The following LYPLAL1 variants were observed in gnomAD, a reference collection of about 807,000 sequenced individuals.
LYPLAL1 encodes lysophospholipase like 1.
In LYPLAL1, 23 loss-of-function variants were observed where a neutral mutation model predicts 19.7. The observed-to-expected ratio is 1.17, with a 90% CI of 0.84 to 1.65. The LOEUF (loss-of-function observed/expected upper bound fraction) is 1.65. LYPLAL1 is among the 40% of genes most tolerant of loss of function. The pLI, the probability that LYPLAL1 is intolerant of heterozygous loss-of-function variation, is 0.00. For missense variants in LYPLAL1, 355 were observed against 279.4 expected (o/e 1.27, Z -1.93); for synonymous variants, 119 against 96.3 (o/e 1.24, Z -1.38).
At chr1:219,213,501 T>C (rs1659179540), downstream of LYPLAL1, among the ~76,000 whole-genome samples, 1 of 151,992 alleles carries the variant, frequency 6.6e-6, no homozygotes, top group African/African-American at 2.4e-5. Context: ...TGTACATCAA[T>C]TTGGGGAGAA....
the LYPLAL1 span, among the ~76,000 whole-genome samples, chr1:219,313,433 A>C: frequency 5.3e-4 from 81 of 152,322 alleles, 1 homozygote; most frequent in Non-Finnish European, 9.4e-4. Flanking sequence ...AGCATACCCA[A>C]ATTCCAGCAA....
chr1:219,375,456 A>C, the LYPLAL1 span, among the ~76,000 whole-genome samples: 8 of 142,342 alleles, frequency 5.6e-5, no homozygotes, highest in South Asian at 1.8e-3. Flanking sequence ...GCAGCACTGC[A>C]CTCCAGCCTG....
chr1:219,180,985 C>T (rs551085390), intron 2 of LYPLAL1, among the ~76,000 whole-genome samples: 137 of 152,118 alleles, frequency 9.0e-4, no homozygotes, highest in African/African-American at 3.2e-3. Flanking sequence ...AACAGATCAT[C>T]GAACGTTTTA....
the LYPLAL1 span, among the ~76,000 whole-genome samples, chr1:219,408,758 G>A: frequency 6.6e-6 from 1 of 152,000 alleles, no homozygotes; most frequent in African/African-American, 2.4e-5. Context: ...TATTCTAGCT[G>A]GAAGAAAAAT....
At chr1:219,320,938 T>A in the LYPLAL1 span, among the ~76,000 whole-genome samples, 3 of 152,232 alleles carry the variant, frequency 2.0e-5, no homozygotes, top group Non-Finnish European at 4.4e-5. Context: ...TGATTTACAA[T>A]CCTTTGGGTA....
the LYPLAL1 span, among the ~76,000 whole-genome samples, chr1:219,429,120 A>G: frequency 6.6e-6 from 1 of 152,152 alleles, no homozygotes; most frequent in East Asian, 1.9e-4. Context: ...ATTTTGTGTC[A>G]CCAAACTCTT....
chr1:219,426,918 C>T, the LYPLAL1 span, among the ~76,000 whole-genome samples: 1 of 152,296 alleles, frequency 6.6e-6, no homozygotes, highest in South Asian at 2.1e-4. Context: ...CTTTTATATC[C>T]TTATTTCACA....
the LYPLAL1 span, among the ~76,000 whole-genome samples, chr1:219,385,032 T>A: frequency 6.6e-6 from 1 of 152,198 alleles, no homozygotes; most frequent in Non-Finnish European, 1.5e-5. Context: ...GTGGGCTTTT[T>A]CTCCCAGTAA....
the LYPLAL1 span, among the ~76,000 whole-genome samples, chr1:219,437,818 G>A: frequency 6.6e-6 from 1 of 151,500 alleles, no homozygotes; most frequent in East Asian, 1.9e-4. Flanking sequence ...CCAAGCTAGA[G>A]TGCAGTGGTG....
the LYPLAL1 span, among the ~76,000 whole-genome samples, chr1:219,389,137 C>T: frequency 6.6e-6 from 1 of 152,108 alleles, no homozygotes; most frequent in Non-Finnish European, 1.5e-5. Flanking sequence ...TTTATTCATT[C>T]TTTTTCATTC....
At chr1:219,324,475 T>C in the LYPLAL1 span, among the ~76,000 whole-genome samples, 3 of 152,184 alleles carry the variant, frequency 2.0e-5, no homozygotes, top group Non-Finnish European at 4.4e-5. Context: ...CCCTCTCTCT[T>C]ATCCCTTCCC....
At chr1:219,423,031 AC>A in the LYPLAL1 span, among the ~76,000 whole-genome samples, 1 of 151,868 alleles carries the variant, frequency 6.6e-6, no homozygotes, top group African/African-American at 2.4e-5. Flanking sequence ...AAGCAGGAAA[AC>A]CCCTGACCAT....
At chr1:219,392,100 C>G in the LYPLAL1 span, among the ~76,000 whole-genome samples, 2 of 152,084 alleles carry the variant, frequency 1.3e-5, no homozygotes, top group Non-Finnish European at 1.5e-5. Flanking sequence ...TCTCAGACTC[C>G]CCTGTTTGGG....
chr1:219,338,595 T>G, the LYPLAL1 span, among the ~76,000 whole-genome samples: 1 of 151,810 alleles, frequency 6.6e-6, no homozygotes, highest in East Asian at 1.9e-4. Context: ...TGAGATCATG[T>G]ACCTGGCACA....
At chr1:219,186,158 T>C (rs1054164142) in intron 2 of LYPLAL1, among the ~76,000 whole-genome samples, 3 of 151,884 alleles carry the variant, frequency 2.0e-5, no homozygotes, top group Non-Finnish European at 2.9e-5. Flanking sequence ...ATTCTAGATA[T>C]TCTTATTACT....
chr1:219,254,504 C>G, the LYPLAL1 span, among the ~76,000 whole-genome samples: 1 of 152,120 alleles, frequency 6.6e-6, no homozygotes, highest in African/African-American at 2.4e-5. Flanking sequence ...ATTTGCTTAT[C>G]TGCAAAGGAT....
chr1:219,246,635 C>T, the LYPLAL1 span, among the ~76,000 whole-genome samples: 1 of 152,108 alleles, frequency 6.6e-6, no homozygotes, highest in Admixed American at 6.6e-5. Context: ...TGCCCAGGCT[C>T]AAGTGCAGTG....
At chr1:219,257,467 T>A in the LYPLAL1 span, among the ~76,000 whole-genome samples, 2 of 149,108 alleles carry the variant, frequency 1.3e-5, no homozygotes, top group Non-Finnish European at 3.0e-5. Context: ...GTCTGAGAAA[T>A]AAAGAGAAAG....
At chr1:219,244,911 CA>C in the LYPLAL1 span, among the ~76,000 whole-genome samples, 14 of 123,136 alleles carry the variant, frequency 1.1e-4, no homozygotes, top group African/African-American at 9.1e-5. Flanking sequence ...CATGCCACTG[CA>C]AAAAAAAAAA....
Sources: allele counts gnomAD v4.1 joint callset (sites outside exome capture counted in the v4.1 genomes callset), GRCh38; gene constraint gnomAD v4.1.1; transcripts MANE v1.5; gene names NCBI Gene and HGNC (gene_info 2026-07-23, HGNC 2026-07-21).